The following ZNF438 variants were observed in gnomAD, a reference collection of about 807,000 sequenced individuals.
The protein encoded by ZNF438 is zinc finger protein 438.
A neutral mutation model predicts 38.0 loss-of-function variants in ZNF438; 25 were observed. The ratio of observed to expected loss-of-function variants is 0.66; its 90% CI spans 0.48 to 0.92. ZNF438 has a LOEUF of 0.92. ZNF438 is among the 40% of genes least tolerant of loss of function. The pLI is 0.00. For missense variants in ZNF438, 1,007 were observed against 999.6 expected (o/e 1.01, Z -0.10); for synonymous variants, 372 against 364.1 (o/e 1.02, Z -0.25).
chr10:31,002,239 C>T (rs112971305), intron 1 of ZNF438, among the ~76,000 whole-genome samples: 17 of 152,262 alleles, frequency 1.1e-4, no homozygotes, highest in African/African-American at 3.1e-4. Flanking sequence ...TTACCAGTGA[C>T]GGTAAACATA....
chr10:30,942,752 C>A (rs2046951825), intron 1 of ZNF438, among the ~76,000 whole-genome samples: 1 of 152,210 alleles, frequency 6.6e-6, no homozygotes, highest in African/African-American at 2.4e-5. Flanking sequence ...TACAAATTTT[C>A]TCTAAGGAGG....
chr10:30,882,824 T>C (rs1488557107), intron 3 of ZNF438, among the ~76,000 whole-genome samples: 2 of 152,206 alleles, frequency 1.3e-5, no homozygotes, highest in Non-Finnish European at 2.9e-5. Context: ...ATTTATCTCA[T>C]TGTACTTTAA....
At chr10:30,949,666 G>A (rs2047920824) in intron 1 of ZNF438, among the ~76,000 whole-genome samples, 1 of 152,126 alleles carries the variant, frequency 6.6e-6, no homozygotes, top group African/African-American at 2.4e-5. Flanking sequence ...TTACATAATG[G>A]TAAAGGGATC....
intron 3 of ZNF438, among the ~76,000 whole-genome samples, chr10:30,881,440 T>G (rs1343896587): frequency 2.0e-5 from 3 of 152,074 alleles, no homozygotes; most frequent in African/African-American, 7.2e-5. Context: ...GTGAAAGACC[T>G]ATACACTGAA....
At chr10:30,891,226 C>T (rs572028223) in intron 3 of ZNF438, among the ~76,000 whole-genome samples, 85 of 152,220 alleles carry the variant, frequency 5.6e-4, no homozygotes, top group Non-Finnish European at 1.1e-3. Flanking sequence ...GCTCTGCTCT[C>T]TTTTTTTCCC....
At chr10:30,995,128 T>C (rs2132634314) in intron 1 of ZNF438, among the ~76,000 whole-genome samples, 1 of 151,156 alleles carries the variant, frequency 6.6e-6, no homozygotes, top group Middle Eastern at 3.4e-3. Context: ...AAAAGAAATA[T>C]GAATCTACAC....
At chr10:31,001,668 G>A (rs184641875) in intron 1 of ZNF438, among the ~76,000 whole-genome samples, 8 of 152,234 alleles carry the variant, frequency 5.3e-5, no homozygotes, top group Admixed American at 5.2e-4. Flanking sequence ...ATATCATTCT[G>A]TATTTGGTTA....
chr10:31,009,173 A>T (rs2055422726), intron 1 of ZNF438, among the ~76,000 whole-genome samples: 1 of 152,198 alleles, frequency 6.6e-6, no homozygotes. Context: ...TATCAGATAT[A>T]TAATTTGCAA....
chr10:30,980,496 A>T (rs1220209253), intron 1 of ZNF438, among the ~76,000 whole-genome samples: 2 of 152,244 alleles, frequency 1.3e-5, no homozygotes, highest in Non-Finnish European at 2.9e-5. Context: ...AAAGTCACAC[A>T]TGACTTTGAG....
At chr10:30,924,153 T>C (rs2044638099) in intron 2 of ZNF438, among the ~76,000 whole-genome samples, 1 of 152,214 alleles carries the variant, frequency 6.6e-6, no homozygotes, top group Admixed American at 6.5e-5. Context: ...AAGGTTAACA[T>C]GACCAGTAAC....
intron 1 of ZNF438, among the ~76,000 whole-genome samples, chr10:30,969,183 A>C (rs2050475301): frequency 6.6e-6 from 1 of 152,194 alleles, no homozygotes; most frequent in Non-Finnish European, 1.5e-5. Flanking sequence ...ATGACGATGA[A>C]AATGACAACT....
At chr10:31,018,369 A>T (rs750843881) in intron 1 of ZNF438, among the ~76,000 whole-genome samples, 1 of 152,242 alleles carries the variant, frequency 6.6e-6, no homozygotes, top group Non-Finnish European at 1.5e-5. Context: ...GTTACTGGCA[A>T]GGACGAATCA....
chr10:30,899,447 A>G (rs542858464), intron 3 of ZNF438, among the ~76,000 whole-genome samples: 3 of 152,352 alleles, frequency 2.0e-5, no homozygotes, highest in African/African-American at 4.8e-5. Flanking sequence ...TGGCCACCTT[A>G]TAAGTATCAG....
At chr10:31,030,935 A>G (rs1243602780) in intron 1 of ZNF438, among the ~76,000 whole-genome samples, 1 of 152,258 alleles carries the variant, frequency 6.6e-6, no homozygotes, top group East Asian at 1.9e-4. Context: ...GTTGTCTATA[A>G]TGTGCTAGTT....
chr10:30,945,468 C>T (rs113563051), intron 1 of ZNF438, among the ~76,000 whole-genome samples: 3,058 of 150,978 alleles, frequency 0.02, 118 homozygotes, highest in African/African-American at 0.071. Flanking sequence ...TAGTTACATA[C>T]GTATACATGT....
exon 5 of ZNF438, chr10:30,848,709 G>C: frequency 6.2e-7 from 1 of 1,614,244 alleles, no homozygotes. Flanking sequence ...CAACACATGA[G>C]TTTCTTCAGA....
intron 1 of ZNF438, among the ~76,000 whole-genome samples, chr10:31,000,647 C>G (rs1423525776): frequency 6.6e-6 from 1 of 152,126 alleles, no homozygotes; most frequent in Non-Finnish European, 1.5e-5. Context: ...AAGGGACACT[C>G]TGATGTACAG....
chr10:30,984,707 T>C (rs913496870), intron 1 of ZNF438, among the ~76,000 whole-genome samples: 1 of 152,220 alleles, frequency 6.6e-6, no homozygotes, highest in Admixed American at 6.5e-5. Flanking sequence ...AGAAGAATGC[T>C]TCACATTCTT....
exon 5 of ZNF438, chr10:30,849,028 C>A (rs1173937860): frequency 6.2e-7 from 1 of 1,614,134 alleles, no homozygotes; most frequent in Non-Finnish European, 8.5e-7. Flanking sequence ...CCCCAAGCAT[C>A]TGGGACTGTA....
Sources: gnomAD v4.1 joint callset for allele counts (sites outside exome capture counted in the v4.1 genomes callset) on GRCh38, gnomAD v4.1.1 for gene constraint, MANE v1.5 for transcripts, NCBI Gene and HGNC (gene_info 2026-07-23, HGNC 2026-07-21) for gene names.